The following SH3D19 variants were observed in gnomAD, a reference collection of about 807,000 sequenced individuals.
SH3D19 encodes SH3 domain-containing protein 19.
Under a neutral mutation model 112.1 loss-of-function variants are expected in SH3D19, and 58 were observed. That is an observed-to-expected ratio of 0.52 (90% CI 0.42 to 0.64). The LOEUF (loss-of-function observed/expected upper bound fraction) is 0.64. Among genes scored for constraint, SH3D19 ranks in the 30% least tolerant of loss-of-function variants. The pLI is 0.00. For missense variants in SH3D19, 1,090 were observed against 1,263.4 expected (o/e 0.86, Z 2.08); for synonymous variants, 391 against 448.5 (o/e 0.87, Z 1.62).
chr4:151,195,776 G>A (rs1388189925), intron 2 of SH3D19, among the ~76,000 whole-genome samples: 1 of 151,728 alleles, frequency 6.6e-6, no homozygotes, highest in Non-Finnish European at 1.5e-5. Flanking sequence ...AAAAATTAAG[G>A]CAATTTAAGA....
intron 1 of SH3D19, among the ~76,000 whole-genome samples, chr4:151,292,200 G>C (rs1163066429): frequency 6.6e-6 from 1 of 152,044 alleles, no homozygotes; most frequent in Non-Finnish European, 1.5e-5. Context: ...TTGGGAAGCT[G>C]TGGTGGAAGG....
intron 1 of SH3D19, among the ~76,000 whole-genome samples, chr4:151,289,315 G>GA (rs1308907998): frequency 6.6e-6 from 1 of 152,138 alleles, no homozygotes; most frequent in Non-Finnish European, 1.5e-5. Flanking sequence ...TTGTGACCTT[G>GA]ATTAGGCAAC....
chr4:151,161,400 A>G (rs1005705229), intron 8 of SH3D19, among the ~76,000 whole-genome samples: 2 of 152,182 alleles, frequency 1.3e-5, no homozygotes, highest in African/African-American at 4.8e-5. Flanking sequence ...GCATTATTAT[A>G]TTAATAAAAT....
At chr4:151,283,162 T>C (rs1482396622) in intron 1 of SH3D19, 2 of 1,613,924 alleles carry the variant, frequency 1.2e-6, no homozygotes, top group East Asian at 2.2e-5. Context: ...GTACCCATTA[T>C]TGACCGCCAG....
intron 1 of SH3D19, chr4:151,291,281 T>C (rs760260859): frequency 6.8e-6 from 11 of 1,613,904 alleles, no homozygotes; most frequent in Non-Finnish European, 9.3e-6. Flanking sequence ...GCCAACAATC[T>C]AGACTTCTCT....
intron 1 of SH3D19, among the ~76,000 whole-genome samples, chr4:151,282,722 T>C (rs1295662083): frequency 2.0e-5 from 3 of 152,130 alleles, no homozygotes; most frequent in Non-Finnish European, 2.9e-5. Flanking sequence ...GTCTAGTGTT[T>C]TTTAACTGTT....
At chr4:151,178,358 T>C (rs1478036954) in intron 4 of SH3D19, among the ~76,000 whole-genome samples, 1 of 152,040 alleles carries the variant, frequency 6.6e-6, no homozygotes, top group Non-Finnish European at 1.5e-5. Context: ...CTATGGAAAA[T>C]AAAAACAAAA....
At chr4:151,150,458 T>A (rs1473460722) in intron 9 of SH3D19, among the ~76,000 whole-genome samples, 1 of 151,600 alleles carries the variant, frequency 6.6e-6, no homozygotes, top group Non-Finnish European at 1.5e-5. Context: ...TTGCTTTGAA[T>A]AGGCAGATCT....
At chr4:151,319,454 C>T (rs1730327591) in intron 1 of SH3D19, among the ~76,000 whole-genome samples, 1 of 152,166 alleles carries the variant, frequency 6.6e-6, no homozygotes, top group Admixed American at 6.5e-5. Flanking sequence ...ATAAATTAGA[C>T]AACTTTGGAA....
At chr4:151,161,637 TA>T (rs968654285) in intron 8 of SH3D19, among the ~76,000 whole-genome samples, 54 of 141,908 alleles carry the variant, frequency 3.8e-4, no homozygotes, top group African/African-American at 1.3e-3. Context: ...TATATATATA[TA>T]TATTTTAATT....
chr4:151,264,383 C>T (rs1224311474), intron 1 of SH3D19, among the ~76,000 whole-genome samples: 1 of 145,188 alleles, frequency 6.9e-6, no homozygotes, highest in Non-Finnish European at 1.5e-5. Context: ...AGCCAACATC[C>T]CGTCACTGCT....
intron 1 of SH3D19, among the ~76,000 whole-genome samples, chr4:151,243,935 T>C (rs1487060228): frequency 2.6e-5 from 4 of 152,170 alleles, no homozygotes; most frequent in Non-Finnish European, 5.9e-5. Context: ...TCTCCAAATA[T>C]CATGCCTTCT....
chr4:151,298,020 G>C (rs945661549), intron 1 of SH3D19, among the ~76,000 whole-genome samples: 1 of 152,048 alleles, frequency 6.6e-6, no homozygotes, highest in Admixed American at 6.6e-5. Context: ...AGAGCAAGGG[G>C]CCATGAGCCA....
At chr4:151,186,857 C>T (rs1246752167) in intron 3 of SH3D19, among the ~76,000 whole-genome samples, 3 of 146,626 alleles carry the variant, frequency 2.0e-5, no homozygotes, top group Non-Finnish European at 3.0e-5. Context: ...TGCAGTGGCG[C>T]GATCTCGGCT....
intron 1 of SH3D19, among the ~76,000 whole-genome samples, chr4:151,276,958 G>A (rs1462364757): frequency 6.6e-6 from 1 of 152,114 alleles, no homozygotes; most frequent in Non-Finnish European, 1.5e-5. Context: ...AGCAGGGGGC[G>A]CCACAGACCC....
intron 1 of SH3D19, among the ~76,000 whole-genome samples, chr4:151,286,857 G>A (rs1774839479): frequency 6.6e-6 from 1 of 151,770 alleles, no homozygotes; most frequent in Admixed American, 6.6e-5. Context: ...GCATGTGCCT[G>A]TATTCCCAGC....
intron 1 of SH3D19, among the ~76,000 whole-genome samples, chr4:151,259,284 A>G (rs1160323944): frequency 6.6e-6 from 1 of 152,170 alleles, no homozygotes; most frequent in East Asian, 1.9e-4. Context: ...ACAAATGAGG[A>G]TGAACCAGAG....
In SH3D19 at chr4:151,131,248, C is replaced by T. The variant is rs145309225; in HGVS notation, c.2742+1083G>A. Among the ~76,000 whole-genome samples the T allele has an allele frequency of 2.0e-3, 309 of 151,654 alleles. 1 individual carries two copies. Among genetic ancestry groups the T allele is most frequent in the African/African-American group, 7.3e-3 (301 of 41,452 alleles). ...CATCTTTGTGACTAAAACCCTATCT[C>T]ATTTTTTATCCTTTTCTTAGGGTGA... On this transcript the variant is annotated intron_variant, in intron 17 of 19. Coordinates refer to ENST00000604030, the MANE Select transcript of SH3D19 (RefSeq NM_001378122.1).
intron 1 of SH3D19, among the ~76,000 whole-genome samples, chr4:151,274,776 C>T (rs1029606851): frequency 5.9e-5 from 9 of 152,264 alleles, no homozygotes; most frequent in South Asian, 4.2e-4. Context: ...ACAGACTAGA[C>T]GAACTTAACC....
Sources: allele counts gnomAD v4.1 joint callset (sites outside exome capture counted in the v4.1 genomes callset), GRCh38; gene constraint gnomAD v4.1.1; transcripts MANE v1.5; gene names NCBI Gene and HGNC (gene_info 2026-07-23, HGNC 2026-07-21).